SH3GL3: variants seen among roughly 807,000 people sequenced by gnomAD.
The protein encoded by SH3GL3 is endophilin-A3.
Under a neutral mutation model 47.7 loss-of-function variants are expected in SH3GL3, and 33 were observed. The ratio of observed to expected loss-of-function variants is 0.69; its 90% CI spans 0.52 to 0.92. The LOEUF (loss-of-function observed/expected upper bound fraction) is 0.92. SH3GL3 is among the 40% of genes least tolerant of loss of function. SH3GL3 has a pLI of 0.00. For missense variants in SH3GL3, 363 were observed against 417.8 expected (o/e 0.87, Z 1.14); for synonymous variants, 155 against 148.8 (o/e 1.04, Z -0.30).
At chr15:83,567,382 G>A (rs2045599476) in intron 3 of SH3GL3, among the ~76,000 whole-genome samples, 1 of 152,102 alleles carries the variant, frequency 6.6e-6, no homozygotes, top group African/African-American at 2.4e-5. Flanking sequence ...CCAGTAACTA[G>A]ACTTTGAGCT....
In SH3GL3 at chr15:83,618,529, T is replaced by G; in HGVS notation, c.*242T>G. 1 of 461,704 alleles carries G rather than the reference T, an allele frequency of 2.2e-6. No homozygotes were observed. The highest frequency in any genetic ancestry group is 2.9e-5 in the South Asian group (1 of 34,110). The allele number at this position is 461,704 out of a possible 1,614,324, so 28.6% of individuals were successfully genotyped here. A position where few individuals can be genotyped will look rare whatever the true frequency, so the allele number is the denominator to read the frequency against. On this transcript the variant is annotated 3_prime_UTR_variant, in exon 9 of 9. Coordinates refer to ENST00000427482, the MANE Select transcript of SH3GL3 (RefSeq NM_003027.5). ...CTAAAAGTCATTGGTTAAATGTATT[T>G]GCTTCCTGTGGCTAAAAATAAGTCT...
intron 8 of SH3GL3, among the ~76,000 whole-genome samples, chr15:83,591,792 T>C (rs1323313146): frequency 6.6e-6 from 1 of 152,192 alleles, no homozygotes; most frequent in Non-Finnish European, 1.5e-5. Flanking sequence ...TTCAGGCCAT[T>C]CTCCTGCCTC....
At chr15:83,521,124 A>G (rs1007331142) in intron 1 of SH3GL3, among the ~76,000 whole-genome samples, 4 of 152,188 alleles carry the variant, frequency 2.6e-5, no homozygotes. Flanking sequence ...AGCAGTCTCC[A>G]TGGCAGAATA....
the SH3GL3 span, among the ~76,000 whole-genome samples, chr15:83,625,528 C>T: frequency 3.3e-5 from 5 of 152,264 alleles, no homozygotes; most frequent in South Asian, 2.1e-4. Flanking sequence ...AATTCTTCCC[C>T]AGGAATTTAG....
At chr15:83,505,487 G>T (rs1216473546) in intron 1 of SH3GL3, among the ~76,000 whole-genome samples, 1 of 147,026 alleles carries the variant, frequency 6.8e-6, no homozygotes, top group Non-Finnish European at 1.5e-5. Flanking sequence ...AAGAGGTTGT[G>T]CACTCTTTCA....
At chr15:83,604,979 A>G (rs1291652138) in intron 8 of SH3GL3, among the ~76,000 whole-genome samples, 1 of 152,198 alleles carries the variant, frequency 6.6e-6, no homozygotes, top group Non-Finnish European at 1.5e-5. Context: ...TCTGACTTGG[A>G]AGGGAAAAAC....
intron 1 of SH3GL3, among the ~76,000 whole-genome samples, chr15:83,538,715 C>A (rs984547430): frequency 1.3e-5 from 2 of 152,056 alleles, no homozygotes; most frequent in African/African-American, 2.4e-5. Flanking sequence ...AATTCTTTTT[C>A]ATTATAATAC....
At chr15:83,544,571 G>A (rs760714375) in intron 1 of SH3GL3, among the ~76,000 whole-genome samples, 70 of 152,104 alleles carry the variant, frequency 4.6e-4, no homozygotes, top group Admixed American at 2.2e-3. Context: ...ATTTGTCTAT[G>A]TACTTACTGT....
At position 83,457,932 on chromosome 15, in the gene SH3GL3, C is replaced by T. The variant is rs148615905; in HGVS notation, c.45+10354C>T. On this transcript the variant is annotated intron_variant, in intron 1 of 8. Transcript: ENST00000427482. ...TCACTTGGAATTTGATTTAAAAATG[C>T]ATTTGAAAGCAGGGATTTTTTTCCC... Among the ~76,000 whole-genome samples, 582 of 152,196 alleles carry T rather than the reference C, an allele frequency of 3.8e-3. 4 individuals are homozygous for T. The highest frequency in any genetic ancestry group is 0.013 in the African/African-American group (543 of 41,530).
intron 1 of SH3GL3, among the ~76,000 whole-genome samples, chr15:83,514,934 G>A (rs981162052): frequency 5.3e-5 from 8 of 152,042 alleles, no homozygotes; most frequent in Admixed American, 5.2e-4. Flanking sequence ...ATGCGAGGAT[G>A]GAAGCAAGAG....
At chr15:83,553,096 A>G (rs529763438) in intron 1 of SH3GL3, among the ~76,000 whole-genome samples, 1 of 152,100 alleles carries the variant, frequency 6.6e-6, no homozygotes, top group South Asian at 2.1e-4. Flanking sequence ...GAGAAACCCC[A>G]TCTCTACAAA....
intron 6 of SH3GL3, among the ~76,000 whole-genome samples, 180 bp downstream of exon 6, chr15:83,576,921 A>AT (rs71156087): frequency 0.014 from 1,234 of 86,568 alleles, 98 homozygotes; most frequent in South Asian, 0.035. Context: ...AAAAATCATA[A>AT]TTTTTTTTTT....
At chr15:83,523,457 G>A (rs1358567089) in intron 1 of SH3GL3, among the ~76,000 whole-genome samples, 2 of 152,204 alleles carry the variant, frequency 1.3e-5, no homozygotes, top group Non-Finnish European at 2.9e-5. Context: ...CTCCCAGGAA[G>A]CTTCCCAAGA....
At position 83,588,651 on chromosome 15, in the gene SH3GL3, G is replaced by T; in HGVS notation, c.729-11G>T. On this transcript the variant is annotated splice_polypyrimidine_tract_variant and intron_variant, in intron 7 of 8. Transcript: ENST00000427482. Reference sequence around the variant, plus strand: ...TCAGATGTCTGGCTCATCTTACGATGTGTGTTACAGAATATCAGCTGCATC... The same window carrying T: ...TCAGATGTCTGGCTCATCTTACGATTTGTGTTACAGAATATCAGCTGCATC... 1 of 1,507,334 alleles carries T rather than the reference G, an allele frequency of 6.6e-7. No homozygotes were observed. 93.4% of individuals were successfully genotyped at this position (1,507,334 alleles called of 1,614,324 possible).
intron 8 of SH3GL3, among the ~76,000 whole-genome samples, chr15:83,598,516 T>A (rs1029341925): frequency 1.3e-5 from 2 of 152,214 alleles, no homozygotes; most frequent in Non-Finnish European, 2.9e-5. Context: ...ATTTGGTACA[T>A]GAAAGGAAGG....
At chr15:83,545,650 C>A (rs2044358771) in intron 1 of SH3GL3, among the ~76,000 whole-genome samples, 2 of 152,120 alleles carry the variant, frequency 1.3e-5, no homozygotes, top group African/African-American at 2.4e-5. Context: ...CTTGTTTATA[C>A]CTATCATTCC....
chr15:83,490,710 G>T (rs2041839280), intron 1 of SH3GL3: 3 of 1,494,990 alleles, frequency 2.0e-6, no homozygotes, highest in Non-Finnish European at 9.1e-7. Flanking sequence ...GCTCTCACAA[G>T]GGCAATATCA....
At chr15:83,520,688 T>C (rs1397856866) in intron 1 of SH3GL3, among the ~76,000 whole-genome samples, 1 of 152,146 alleles carries the variant, frequency 6.6e-6, no homozygotes, top group African/African-American at 2.4e-5. Flanking sequence ...GTCTTCTTCG[T>C]TGAGTCTTAA....
chr15:83,561,185 T>G (rs1314625055), intron 2 of SH3GL3, among the ~76,000 whole-genome samples: 1 of 152,162 alleles, frequency 6.6e-6, no homozygotes, highest in Non-Finnish European at 1.5e-5. Flanking sequence ...ATGTGCATAT[T>G]TTTCAAATTC....
Sources: gnomAD v4.1 joint callset for allele counts (sites outside exome capture counted in the v4.1 genomes callset) on GRCh38, gnomAD v4.1.1 for gene constraint, MANE v1.5 for transcripts, NCBI Gene and HGNC (gene_info 2026-07-23, HGNC 2026-07-21) for gene names.